Variants in DOCK1 observed in about 807,000 individuals in gnomAD.
DOCK1 encodes dedicator of cytokinesis protein 1.
Under a neutral mutation model 262.7 loss-of-function variants are expected in DOCK1, and 138 were observed. The ratio of observed to expected loss-of-function variants is 0.53; its 90% CI spans 0.46 to 0.61. The LOEUF (loss-of-function observed/expected upper bound fraction) is 0.61. Ranked by LOEUF, DOCK1 falls within the 20% of genes least tolerant of loss-of-function variation. The pLI, the probability that DOCK1 is intolerant of heterozygous loss-of-function variation, is 0.00. For missense variants in DOCK1, 1,908 were observed against 2,370.7 expected, an observed-to-expected ratio of 0.80 and a Z score of 4.05; for synonymous variants, 866 against 867.4, an observed-to-expected ratio of 1.00 and a Z score of 0.03.
intron 51 of DOCK1, 106 bp from the exon 52 acceptor site, chr10:127,451,226 T>C: frequency 4.0e-6 from 5 of 1,258,662 alleles, no homozygotes; most frequent in Non-Finnish European, 4.5e-6. Flanking sequence ...GTGGGGAGGA[T>C]GGTTCCGGCT....
At chr10:127,375,877 A>G (rs1019881274) in intron 35 of DOCK1, among the ~76,000 whole-genome samples, 19 of 152,248 alleles carry the variant, frequency 1.2e-4, no homozygotes, top group African/African-American at 4.3e-4. Flanking sequence ...ATCAACAATT[A>G]TTAGTTCCGT....
Position 127,074,934 on chromosome 10 carries a change from G to A in DOCK1, c.2445+13158G>A, listed in dbSNP as rs12770120. 7.9e-5 allele frequency among the ~76,000 whole-genome samples: 12 copies of A among 152,154 alleles called. No homozygotes were observed. In the East Asian group the frequency reaches 2.1e-3, roughly 27 times the overall value. On this transcript the variant is annotated intron_variant, in intron 23 of 51. Transcript: ENST00000623213. ...CCCAGCACTCTGGGATGCTGAGGCA[G>A]GTGGATCACCTGAGGTTGGGAGTTC... is the stretch of plus-strand genomic sequence containing the variant.
intron 23 of DOCK1, among the ~76,000 whole-genome samples, chr10:127,068,547 T>C (rs2046012603): frequency 6.6e-6 from 1 of 152,228 alleles, no homozygotes; most frequent in Admixed American, 6.5e-5. Context: ...ATTTATTGTG[T>C]CCTTGCCCTC....
chr10:127,063,857 G>A (rs1037449576), intron 23 of DOCK1, among the ~76,000 whole-genome samples: 3 of 152,148 alleles, frequency 2.0e-5, no homozygotes, highest in Admixed American at 6.5e-5. Flanking sequence ...TTTATTATAA[G>A]ACACAAGTGA....
intron 1 of DOCK1, among the ~76,000 whole-genome samples, chr10:126,961,960 G>A (rs978033057): frequency 9.9e-4 from 150 of 152,188 alleles, no homozygotes; most frequent in African/African-American, 2.4e-3. Flanking sequence ...CAGTTTCTTC[G>A]TGTCCTTACC....
At chr10:126,950,091 G>T (rs1296283252) in intron 1 of DOCK1, among the ~76,000 whole-genome samples, 10 of 151,822 alleles carry the variant, frequency 6.6e-5, no homozygotes, top group Non-Finnish European at 5.9e-5. Context: ...GGAATGAGTA[G>T]TAATCCCTCC....
intron 23 of DOCK1, among the ~76,000 whole-genome samples, chr10:127,096,803 A>G (rs2136147235): frequency 6.6e-6 from 1 of 151,986 alleles, no homozygotes; most frequent in South Asian, 2.1e-4. Context: ...TTGCTTAGAG[A>G]CGAGTATAAA....
At chr10:127,331,042 C>T (rs1002037409) in intron 29 of DOCK1, among the ~76,000 whole-genome samples, 2 of 152,072 alleles carry the variant, frequency 1.3e-5, no homozygotes, top group Admixed American at 6.5e-5. Context: ...AACTGGCAAG[C>T]TGTCACGTGG....
At chr10:127,321,725 C>T (rs746614694) in intron 29 of DOCK1, among the ~76,000 whole-genome samples, 7 of 149,802 alleles carry the variant, frequency 4.7e-5, no homozygotes, top group Non-Finnish European at 8.9e-5. Flanking sequence ...CTCCCCCCGC[C>T]GCCCCTGCTA....
At chr10:127,039,820 T>C (rs2043899552) in intron 19 of DOCK1, among the ~76,000 whole-genome samples, 1 of 152,138 alleles carries the variant, frequency 6.6e-6, no homozygotes, top group African/African-American at 2.4e-5. Flanking sequence ...GCTTGGTAGA[T>C]TGAGGAAGGT....
intron 1 of DOCK1, 114 bp from the exon 2 acceptor site, chr10:126,970,588 C>T (rs1200845125): frequency 6.7e-6 from 5 of 741,442 alleles, no homozygotes; most frequent in East Asian, 2.7e-5. Flanking sequence ...ATGCAGGCAG[C>T]GACTGAATGT....
At chr10:127,075,940 A>G (rs1591920957) in intron 23 of DOCK1, among the ~76,000 whole-genome samples, 1 of 152,142 alleles carries the variant, frequency 6.6e-6, no homozygotes, top group Non-Finnish European at 1.5e-5. Flanking sequence ...GAAGTTTATG[A>G]TGGTTCACAA....
At chr10:127,013,125 A>C (rs879935252) in intron 12 of DOCK1, among the ~76,000 whole-genome samples, 3 of 152,158 alleles carry the variant, frequency 2.0e-5, no homozygotes, top group Admixed American at 2.0e-4. Context: ...TCTAAAGGAG[A>C]ATGTGAATTG....
At chr10:127,400,063 C>G (rs553998219) in intron 38 of DOCK1, among the ~76,000 whole-genome samples, 2 of 152,242 alleles carry the variant, frequency 1.3e-5, no homozygotes, top group Admixed American at 1.3e-4. Flanking sequence ...TGGGCCACCT[C>G]CTACCCTCCC....
chr10:127,342,203 A>G (rs2063464656), intron 30 of DOCK1, among the ~76,000 whole-genome samples: 1 of 152,118 alleles, frequency 6.6e-6, no homozygotes, highest in African/African-American at 2.4e-5. Context: ...CCTGACCATG[A>G]TTCTCAGAAT....
intron 13 of DOCK1, among the ~76,000 whole-genome samples, chr10:127,020,827 G>C (rs1308651021): frequency 6.6e-6 from 1 of 152,170 alleles, no homozygotes; most frequent in Non-Finnish European, 1.5e-5. Context: ...TGCAGAACCT[G>C]TGTATCACCC....
intron 23 of DOCK1, among the ~76,000 whole-genome samples, chr10:127,072,751 T>C (rs958665193): frequency 4.6e-5 from 7 of 152,174 alleles, no homozygotes; most frequent in African/African-American, 1.7e-4. Flanking sequence ...ATGCGTGTTA[T>C]CTCTTAGGAT....
chr10:126,942,175 C>T (rs972393016), intron 1 of DOCK1, among the ~76,000 whole-genome samples: 1 of 152,172 alleles, frequency 6.6e-6, no homozygotes, highest in African/African-American at 2.4e-5. Context: ...AGGCGCCCGC[C>T]ACCACGCCCG....
At chr10:127,216,306 T>C (rs1191107646) in intron 27 of DOCK1, among the ~76,000 whole-genome samples, 3 of 31,020 alleles carry the variant, frequency 9.7e-5, no homozygotes, top group Non-Finnish European at 1.3e-4. Flanking sequence ...AGTGATAATT[T>C]AGTAAAAAAA....
Sources: gnomAD v4.1 joint callset for allele counts (sites outside exome capture counted in the v4.1 genomes callset) on GRCh38, gnomAD v4.1.1 for gene constraint, MANE v1.5 for transcripts, NCBI Gene and HGNC (gene_info 2026-07-23, HGNC 2026-07-21) for gene names.